IFNAR1: variants seen among roughly 807,000 people sequenced by gnomAD.
The protein encoded by IFNAR1 is interferon alpha and beta receptor subunit 1, also known as interferon alpha/beta receptor 1.
IFNAR1 carries 47 observed loss-of-function variants against 62.1 expected under a neutral mutation model. That is an observed-to-expected ratio of 0.76 (90% CI 0.60 to 0.97). The LOEUF (loss-of-function observed/expected upper bound fraction) is 0.97, where lower values mean the gene tolerates loss of function less well. Among genes scored for constraint, IFNAR1 ranks in the 50% least tolerant of loss-of-function variants. The pLI, the probability that IFNAR1 is intolerant of heterozygous loss-of-function variation, is 0.00. For missense variants in IFNAR1, 638 were observed against 654.5 expected (o/e 0.97, Z 0.27); for synonymous variants, 219 against 226.9 (o/e 0.97, Z 0.31).
chr21:33,335,161 A>C, intron 1 of IFNAR1: 2 of 565,932 alleles, frequency 3.5e-6, no homozygotes, highest in South Asian at 1.9e-5. Flanking sequence ...TGAACATACA[A>C]TGTGAAATCA....
intron 1 of IFNAR1, among the ~76,000 whole-genome samples, chr21:33,330,340 C>G (rs1032038447): frequency 1.3e-5 from 2 of 152,186 alleles, no homozygotes; most frequent in African/African-American, 4.8e-5. Context: ...GGCTAGAAAT[C>G]TCCCTCTGCT....
chr21:33,336,960 A>G (rs985279419), intron 2 of IFNAR1, among the ~76,000 whole-genome samples: 1 of 152,096 alleles, frequency 6.6e-6, no homozygotes, highest in Non-Finnish European at 1.5e-5. Context: ...CATGTTGGCC[A>G]GGCTGATCTC....
intron 1 of IFNAR1, among the ~76,000 whole-genome samples, chr21:33,329,136 T>G (rs995575802): frequency 6.6e-6 from 1 of 152,196 alleles, no homozygotes; most frequent in Non-Finnish European, 1.5e-5. Flanking sequence ...AGTAAAGGAT[T>G]TTTTTTCTCC....
At chr21:33,333,403 C>A (rs188280047) in intron 1 of IFNAR1, among the ~76,000 whole-genome samples, 357 of 152,188 alleles carry the variant, frequency 2.3e-3, no homozygotes, top group African/African-American at 8.3e-3. Context: ...GTATAAAACT[C>A]TCTGATAGAG....
chr21:33,355,300 C>T lies in IFNAR1; in HGVS notation c.1441-16C>T. 2 of 1,223,868 alleles carry T rather than the reference C, an allele frequency of 1.6e-6. No homozygotes were observed. The highest frequency in any genetic ancestry group is 2.3e-6 in the Non-Finnish European group (2 of 867,722). The allele number at this position is 1,223,868 out of a possible 1,614,324, so 75.8% of individuals were successfully genotyped here. A position where few individuals can be genotyped will look rare whatever the true frequency, so the allele number is the denominator to read the frequency against. ...TTAAATAATTGATTTCTACTCTTTC[C>T]CTTTTTTTAAATTAGTATTTCTCTG... On this transcript the variant is annotated splice_polypyrimidine_tract_variant and intron_variant, in intron 10 of 10. Transcript: ENST00000270139.
chr21:33,347,999 C>A (rs1489686535), intron 6 of IFNAR1, among the ~76,000 whole-genome samples: 1 of 152,138 alleles, frequency 6.6e-6, no homozygotes, highest in African/African-American at 2.4e-5. Flanking sequence ...GAGGAAGGTG[C>A]ATGCGGCGAC....
intron 6 of IFNAR1, among the ~76,000 whole-genome samples, chr21:33,346,982 C>T (rs1430923757): frequency 6.6e-6 from 1 of 152,158 alleles, no homozygotes; most frequent in African/African-American, 2.4e-5. Context: ...TTAGCTGGCT[C>T]TTCTGCTAAG....
intron 6 of IFNAR1, among the ~76,000 whole-genome samples, chr21:33,347,419 C>T (rs997957007): frequency 7.9e-5 from 12 of 152,098 alleles, no homozygotes; most frequent in Admixed American, 1.3e-4. Context: ...CGTGAGGCAC[C>T]GCGCTCAGCC....
At chr21:33,330,771 A>G (rs1485694197) in intron 1 of IFNAR1, among the ~76,000 whole-genome samples, 1 of 152,192 alleles carries the variant, frequency 6.6e-6, no homozygotes, top group African/African-American at 2.4e-5. Context: ...CAGGATTCCT[A>G]GGATCATCTG....
chr21:33,325,147 G>T lies in IFNAR1; in HGVS notation c.76+16G>T. On this transcript the variant is annotated intron_variant, in intron 1 of 10. Coordinates refer to ENST00000270139, the MANE Select transcript of IFNAR1 (RefSeq NM_000629.3). ...GCAGCCGCAGGTGAGAGGCGGGGAGGAGAGTCTTGGCGCAGGGCGGGAGGT... is the reference window on the plus strand; with the variant it reads ...GCAGCCGCAGGTGAGAGGCGGGGAGTAGAGTCTTGGCGCAGGGCGGGAGGT... 6.2e-7 allele frequency: 1 copy of T among 1,605,348 alleles called. No homozygotes were observed. Among genetic ancestry groups the T allele is most frequent in the Non-Finnish European group, 8.5e-7 (1 of 1,176,792 alleles).
chr21:33,332,657 C>T (rs1016361223), intron 1 of IFNAR1, among the ~76,000 whole-genome samples: 4 of 151,862 alleles, frequency 2.6e-5, no homozygotes, highest in Non-Finnish European at 5.9e-5. Context: ...AAAAATTCAA[C>T]AAAAAAATTA....
rs1042141482 is a variant in IFNAR1 at position 33,343,528 on chromosome 21, G to A, written c.532-7G>A. ...TTTTAAAGAACCAACTTATATTTGTGTTATAGGAAAGGATTGAAAATATTT... is the reference window on the plus strand; with the variant it reads ...TTTTAAAGAACCAACTTATATTTGTATTATAGGAAAGGATTGAAAATATTT... On this transcript the variant is annotated splice_region_variant and splice_polypyrimidine_tract_variant and intron_variant, in intron 4 of 10. Transcript: ENST00000270139. 6.5e-7 allele frequency: 1 copy of A among 1,529,664 alleles called. No homozygotes were observed. The highest frequency in any genetic ancestry group is 9.0e-7 in the Non-Finnish European group (1 of 1,110,466). 94.8% of individuals were successfully genotyped at this position (1,529,664 alleles called of 1,614,324 possible).
At chr21:33,348,789 C>T (rs571497632) in intron 6 of IFNAR1, among the ~76,000 whole-genome samples, 1 of 151,824 alleles carries the variant, frequency 6.6e-6, no homozygotes, top group South Asian at 2.1e-4. Flanking sequence ...GGTGACAGAG[C>T]GAGACTCGGT....
chr21:33,338,964 A>T lies in IFNAR1; in HGVS notation c.201-2035A>T, dbSNP rs189084375. ...TCCATGTTGATCGGGCTGATCTCGAACTCCTGATCTCAAGTGATCCACCCC... is the reference window on the plus strand; with the variant it reads ...TCCATGTTGATCGGGCTGATCTCGATCTCCTGATCTCAAGTGATCCACCCC... On this transcript the variant is annotated intron_variant, in intron 2 of 10. Coordinates refer to ENST00000270139, the MANE Select transcript of IFNAR1 (RefSeq NM_000629.3). Among the ~76,000 whole-genome samples the T allele has an allele frequency of 7.9e-5, 12 of 151,658 alleles. No homozygotes were observed. In the East Asian group the frequency reaches 2.3e-3, roughly 29 times the overall value.
At chr21:33,324,887 G>A (rs1168565631), upstream of IFNAR1, 5 of 610,456 alleles carry the variant, frequency 8.2e-6, no homozygotes, top group East Asian at 1.4e-4. Context: ...CGTGCGCGGA[G>A]GGGCGGTGTG....
intron 2 of IFNAR1, among the ~76,000 whole-genome samples, chr21:33,336,499 A>G (rs1242699333): frequency 1.3e-5 from 2 of 150,420 alleles, no homozygotes; most frequent in Non-Finnish European, 3.0e-5. Context: ...GAATCGCCAC[A>G]CTGACTTCCA....
At chr21:33,325,793 T>C (rs1195414399) in intron 1 of IFNAR1, among the ~76,000 whole-genome samples, 1 of 152,158 alleles carries the variant, frequency 6.6e-6, no homozygotes. Flanking sequence ...TAAGATACCA[T>C]GAGTGTCTTG....
At chr21:33,346,206 G>A (rs1161060591) in intron 6 of IFNAR1, among the ~76,000 whole-genome samples, 1 of 151,988 alleles carries the variant, frequency 6.6e-6, no homozygotes, top group African/African-American at 2.4e-5. Context: ...TTAAGTAGAA[G>A]GAAAAATGGG....
intron 9 of IFNAR1, 123 bp downstream of exon 9, chr21:33,353,031 TTTC>T (rs1161642957): frequency 1.7e-6 from 1 of 596,426 alleles, no homozygotes; most frequent in South Asian, 4.8e-5. Flanking sequence ...GAAAGAATGT[TTTC>T]TTCATGAACT....
Sources: allele counts gnomAD v4.1 joint callset (sites outside exome capture counted in the v4.1 genomes callset), GRCh38; gene constraint gnomAD v4.1.1; transcripts MANE v1.5; gene names NCBI Gene and HGNC (gene_info 2026-07-23, HGNC 2026-07-21).